ACTRT3: variants seen among roughly 807,000 people sequenced by gnomAD.
ACTRT3 encodes the protein actin related protein T3.
ACTRT3 carries 15 observed loss-of-function variants against 17.6 expected under a neutral mutation model. That is an observed-to-expected ratio of 0.85 (90% CI 0.57 to 1.31). ACTRT3 has a LOEUF of 1.31. Ranked by LOEUF, ACTRT3 falls within the 50% of genes most tolerant of loss-of-function variation. The pLI, the probability that ACTRT3 is intolerant of heterozygous loss-of-function variation, is 0.00. For missense variants in ACTRT3, 457 were observed against 466.7 expected, an observed-to-expected ratio of 0.98 and a Z score of 0.19; for synonymous variants, 169 against 176.4, an observed-to-expected ratio of 0.96 and a Z score of 0.33.
Position 169,766,951 on chromosome 3 carries a change from G to A in ACTRT3, c.*481C>T, listed in dbSNP as rs1351879055. 2.6e-5 allele frequency: 4 copies of A among 152,620 alleles called. No homozygotes were observed. The highest frequency in any genetic ancestry group is 9.7e-5 in the African/African-American group (4 of 41,418). 9.5% of individuals were successfully genotyped at this position (152,620 alleles called of 1,614,324 possible). ...AAAACAAAATCAGTCTATTAAACAT[G>A]CCCTGAATATGCTTTGTTCATTCTC... On this transcript the variant is annotated 3_prime_UTR_variant, in exon 2 of 2. Coordinates refer to ENST00000330368, the MANE Select transcript of ACTRT3 (RefSeq NM_032487.5).
Position 169,769,392 on chromosome 3 carries a change from G to A in ACTRT3, c.129C>T (p.Arg43=). The change falls in exon 1 of 2, where the codon CGC becomes CGT. Residue 43 remains arginine, a synonymous_variant. Coordinates refer to ENST00000330368, the MANE Select transcript of ACTRT3 (RefSeq NM_032487.5). The part of the protein sequence containing the change: ...NIIGRAKGQS[R]AAQGGLELCV... ...AGAGTTCTAGCCCGCCCTGGGCCGC[G>A]CGGCTCTGGCCCTTGGCGCGGCCGA... 1 of 1,605,178 alleles carries A rather than the reference G, an allele frequency of 6.2e-7. No individual in the cohort carries two copies. The highest frequency in any genetic ancestry group is 1.1e-5 in the South Asian group (1 of 90,610).
chr3:169,767,811 A>T lies in ACTRT3; in HGVS notation c.740T>A (p.Leu247His). 6.2e-7 allele frequency: 1 copy of T among 1,614,142 alleles called. No homozygotes were observed. The highest frequency in any genetic ancestry group is 8.5e-7 in the Non-Finnish European group (1 of 1,180,010). ...YQLPDGKVIQ[L>H]HDQLFSCPEA... ...TGGACAAGAAAAGAGCTGGTCATGG[A>T]GCTGGATGACCTTCCCATCAGGTAG... The change falls in exon 2 of 2, where the codon CTC becomes CAC. Residue 247 changes from leucine (L) to histidine (H), a missense_variant. Leu to His is a moderately conservative substitution (Grantham distance 99). Coordinates refer to ENST00000330368, the MANE Select transcript of ACTRT3 (RefSeq NM_032487.5).
In ACTRT3 at chr3:169,769,410, G is replaced by C. The variant is rs1210986791; in HGVS notation, c.111C>G (p.Arg37=). The C allele has an allele frequency of 6.2e-7, 1 of 1,607,758 alleles. No individual in the cohort carries two copies. Among genetic ancestry groups the C allele is most frequent in the Non-Finnish European group, 8.5e-7 (1 of 1,178,690 alleles). The part of the protein sequence containing the change: ...PQFIYPNIIG[R]AKGQSRAAQG... ...GGGCCGCGCGGCTCTGGCCCTTGGC[G>C]CGGCCGATAATGTTCGGGTAGATAA... is the stretch of plus-strand genomic sequence containing the variant. Residue 37 remains arginine, a synonymous_variant, in exon 1 of 2, where the codon CGC becomes CGG. Transcript: ENST00000330368.
At position 169,768,248 on chromosome 3, in the gene ACTRT3, T is replaced by C; in HGVS notation, c.303A>G (p.Pro101=). The change falls in exon 2 of 2, where the codon CCA becomes CCG. Residue 101 remains proline (P), a synonymous_variant. Coordinates refer to ENST00000330368, the MANE Select transcript of ACTRT3 (RefSeq NM_032487.5). ...YNLKLKPCDG[P]VLITEPALNP... is the part of the protein sequence containing the mutation. ...TCAGCGCTGGCTCAGTAATCAAGAC[T>C]GGGCCATCACACGGCTTCAGCTTTA... 1.9e-6 allele frequency: 3 copies of C among 1,613,954 alleles called. No individual in the cohort carries two copies. The South Asian group carries it at 3.3e-5, about 18-fold the overall frequency.
Position 169,767,524 on chromosome 3 carries a change from G to A in ACTRT3, c.1027C>T (p.Leu343Phe), listed in dbSNP as rs1362327490. 1.9e-6 allele frequency: 3 copies of A among 1,613,930 alleles called. No individual in the cohort carries two copies. Among genetic ancestry groups the A allele is most frequent in the African/African-American group, 2.7e-5 (2 of 74,952 alleles). Residue 343 changes from leucine (L) to phenylalanine (F), a missense_variant, in exon 2 of 2, where the codon CTT (leucine) becomes TTT (phenylalanine). Coordinates refer to ENST00000330368, the MANE Select transcript of ACTRT3 (RefSeq NM_032487.5). Reference sequence around the variant, plus strand: ...TCCTGGAAGGCAGACAAGGATGCAAGAATAGAACCTCCCATCCACACTGAT... The same window carrying A: ...TCCTGGAAGGCAGACAAGGATGCAAAAATAGAACCTCCCATCCACACTGAT... ...KISVWMGGSI[L>F]ASLSAFQDMW... is the part of the protein sequence containing the mutation.
At chr3:169,768,445 A>G in intron 1 of ACTRT3, 95 bp from the exon 2 acceptor site, 1 of 1,172,194 alleles carries the variant, frequency 8.5e-7, no homozygotes, top group Non-Finnish European at 1.2e-6. Context: ...TATTACCAAT[A>G]TCCCTTTATG....
At chr3:169,768,502 A>G in intron 1 of ACTRT3, 152 bp from the exon 2 acceptor site, 1 of 719,874 alleles carries the variant, frequency 1.4e-6, no homozygotes, top group Non-Finnish European at 2.2e-6. Flanking sequence ...GTCAGCCAAA[A>G]ATAGCACAGC....
chr3:169,768,337 G>C lies in ACTRT3; in HGVS notation c.214C>G (p.Arg72Gly). The stretch of plus-strand genomic sequence containing the variant: ...TCCTCCCATGAAGTAATGAGACCAC[G>C]CTCCACTGGGTAACTGTAAGGAAAG... ...SSLFISYPVE[R>G]GLITSWEDME... is the part of the protein sequence containing the mutation. The change falls in exon 2 of 2, where the codon CGT becomes GGT. Residue 72 changes from arginine to glycine, a missense_variant. By Grantham distance (125) the Arg-to-Gly change is moderately radical. Coordinates refer to ENST00000330368, the MANE Select transcript of ACTRT3 (RefSeq NM_032487.5). 1 of 1,607,976 alleles carries C rather than the reference G, an allele frequency of 6.2e-7. No homozygotes were observed. The highest frequency in any genetic ancestry group is 8.5e-7 in the Non-Finnish European group (1 of 1,175,286).
chr3:169,768,642 C>T (rs1417797177), intron 1 of ACTRT3, among the ~76,000 whole-genome samples: 2 of 152,122 alleles, frequency 1.3e-5, no homozygotes, highest in East Asian at 1.9e-4. Flanking sequence ...ATTCTCCTGC[C>T]TCAGTCTCCT....
At position 169,767,336 on chromosome 3, in the gene ACTRT3, G is replaced by C. The variant is rs1778000974; in HGVS notation, c.*96C>G. On this transcript the variant is annotated 3_prime_UTR_variant, in exon 2 of 2. Transcript: ENST00000330368. ...CAACAGAAATATTGGCATCCCAATA[G>C]GTGAAGTATTTTCTCTTCTCCCAGA... The C allele has an allele frequency of 1.8e-6, 2 of 1,117,908 alleles. No individual in the cohort carries two copies. The highest frequency in any genetic ancestry group is 2.5e-6 in the Non-Finnish European group (2 of 803,450). 69.2% of individuals were successfully genotyped at this position (1,117,908 alleles called of 1,614,324 possible). A position where few individuals can be genotyped will look rare whatever the true frequency, so the allele number is the denominator to read the frequency against.
In ACTRT3 at chr3:169,768,221, G is replaced by A. The variant is rs376081050; in HGVS notation, c.330C>T (p.Asn110=). 85 of 1,613,866 alleles carry A rather than the reference G, an allele frequency of 5.3e-5. No homozygotes were observed. The highest frequency in any genetic ancestry group is 5.1e-6 in the Non-Finnish European group (6 of 1,180,048). The change falls in exon 2 of 2, where the codon AAC becomes AAT. Residue 110 remains asparagine, a synonymous_variant. Transcript: ENST00000330368. ...GPVLITEPAL[N]PLANRQQITE... ...TGATCTGTTGCCGGTTGGCCAGTGG[G>A]TTCAGCGCTGGCTCAGTAATCAAGA...
intron 1 of ACTRT3, 78 bp from the exon 2 acceptor site, chr3:169,768,428 C>T: frequency 7.5e-7 from 1 of 1,327,520 alleles, no homozygotes; most frequent in Non-Finnish European, 1.0e-6. Context: ...AGTTAATTCC[C>T]CGCGTTTATT....
rs1369499089 is a variant in ACTRT3 at position 169,768,078 on chromosome 3, A to G, written c.473T>C (p.Val158Ala). 3.1e-6 allele frequency: 5 copies of G among 1,614,094 alleles called. No individual in the cohort carries two copies. Among genetic ancestry groups the G allele is most frequent in the Non-Finnish European group, 4.2e-6 (5 of 1,180,020 alleles). ...TGLVLNSGAG[V>A]TQSVPIFEGY... ...CTCAAAGATGGGCACACTCTGGGTA[A>G]CCCCAGCACCTGAATTCAGCACAAG... is the stretch of plus-strand genomic sequence containing the variant. The change falls in exon 2 of 2, where the codon GTT (valine) becomes GCT (alanine). Residue 158 changes from valine to alanine, a missense_variant. By Grantham distance (64) the Val-to-Ala change is moderately conservative. Coordinates refer to ENST00000330368, the MANE Select transcript of ACTRT3 (RefSeq NM_032487.5).
At position 169,767,271 on chromosome 3, in the gene ACTRT3, A is replaced by G; in HGVS notation, c.*161T>C. ...TCTACTCAATAGACATCTGTTCTTG[A>G]GCTTCACCATTATTATCCCCCAAAC... is the stretch of plus-strand genomic sequence containing the variant. On this transcript the variant is annotated 3_prime_UTR_variant, in exon 2 of 2. Coordinates refer to ENST00000330368, the MANE Select transcript of ACTRT3 (RefSeq NM_032487.5). The G allele has an allele frequency of 1.7e-6, 1 of 589,206 alleles. No homozygotes were observed. The highest frequency in any genetic ancestry group is 1.8e-5 in the African/African-American group (1 of 54,148). The allele number at this position is 589,206 out of a possible 1,614,324, so 36.5% of individuals were successfully genotyped here.
At chr3:169,768,382 T>C in intron 1 of ACTRT3, 32 bp from the exon 2 acceptor site, 2 of 1,563,186 alleles carry the variant, frequency 1.3e-6, no homozygotes, top group Non-Finnish European at 1.7e-6. Context: ...CAATGACAGC[T>C]TTTTATTTTT....
chr3:169,768,527 A>AT (rs397708676), intron 1 of ACTRT3, among the ~76,000 whole-genome samples, 177 bp from the exon 2 acceptor site: 14,555 of 140,388 alleles, frequency 0.1, 1,395 homozygotes, highest in African/African-American at 0.25. Context: ...TACCTCTGCA[A>AT]TTTTTTTTTT....
chr3:169,767,606 T>G lies in ACTRT3; in HGVS notation c.945A>C (p.Ala315=). The part of the protein sequence containing the change: ...GLDKRLVKDI[A]KVAPANTAVQ... ...CAGCGGTGTTGGCAGGAGCCACCTT[T>G]GCTATATCCTTAACTAACCGCTTGT... Residue 315 remains alanine, a synonymous_variant, in exon 2 of 2, where the codon GCA becomes GCC. Transcript: ENST00000330368. 1 of 1,614,036 alleles carries G rather than the reference T, an allele frequency of 6.2e-7. No homozygotes were observed. Among genetic ancestry groups the G allele is most frequent in the Non-Finnish European group, 8.5e-7 (1 of 1,180,004 alleles).
At position 169,768,427 on chromosome 3, in the gene ACTRT3, C is replaced by T; in HGVS notation, c.201-77G>A. 3.0e-6 allele frequency: 4 copies of T among 1,339,750 alleles called. No homozygotes were observed. In the South Asian group the frequency reaches 5.8e-5, roughly 19 times the overall value. The allele number at this position is 1,339,750 out of a possible 1,614,324, so 83.0% of individuals were successfully genotyped here. On this transcript the variant is annotated intron_variant, in intron 1 of 1. Coordinates refer to ENST00000330368, the MANE Select transcript of ACTRT3 (RefSeq NM_032487.5). ...ATTGTCTTCGACCCTCAGTTAATTC[C>T]CCGCGTTTATTACCAATATCCCTTT... is the stretch of plus-strand genomic sequence containing the variant.
In ACTRT3 at chr3:169,767,875, T is replaced by G; in HGVS notation, c.676A>C (p.Met226Leu). Residue 226 changes from methionine to leucine, a missense_variant, in exon 2 of 2, where the codon ATG becomes CTG. Transcript: ENST00000330368. ...TCTAGACAATCGGGTTTCTTGGCCA[T>G]TTCCTCTTCGTAGTTCATTGCCACA... ...CYVAMNYEEE[M>L]AKKPDCLEKV... 4 of 1,614,180 alleles carry G rather than the reference T, an allele frequency of 2.5e-6. No individual in the cohort carries two copies. The highest frequency in any genetic ancestry group is 3.4e-6 in the Non-Finnish European group (4 of 1,180,038).
Sources: gnomAD v4.1 joint callset for allele counts (sites outside exome capture counted in the v4.1 genomes callset) on GRCh38, gnomAD v4.1.1 for gene constraint, MANE v1.5 for transcripts, NCBI Gene and HGNC (gene_info 2026-07-23, HGNC 2026-07-21) for gene names.